EDN1: variants seen among roughly 807,000 people sequenced by gnomAD.
EDN1 encodes endothelin 1.
A neutral mutation model predicts 21.7 loss-of-function variants in EDN1; 11 were observed. The ratio of observed to expected loss-of-function variants is 0.51; its 90% CI spans 0.32 to 0.84. The LOEUF is 0.84. EDN1 is among the 40% of genes least tolerant of loss of function. EDN1 has a pLI of 0.03. For missense variants in EDN1, 244 were observed against 262.3 expected (o/e 0.93, Z 0.48); for synonymous variants, 85 against 90.6 (o/e 0.94, Z 0.35).
At position 12,297,008 on chromosome 6, in the gene EDN1, T is replaced by C. The variant is rs920530159; in HGVS notation, c.*941T>C. The C allele has an allele frequency of 9.9e-5, 15 of 152,182 alleles. No individual in the cohort carries two copies. Among genetic ancestry groups the C allele is most frequent in the Non-Finnish European group, 1.5e-4 (10 of 68,032 alleles). The allele number at this position is 152,182 out of a possible 1,614,324, so 9.4% of individuals were successfully genotyped here. A position where few individuals can be genotyped will look rare whatever the true frequency, so the allele number is the denominator to read the frequency against. On this transcript the variant is annotated 3_prime_UTR_variant, in exon 5 of 5. Transcript: ENST00000379375. ...GTTGGATTGAATTTTGATGTACTTA[T>C]TTTTTTATAGATATTTATATTCAAA... is the stretch of plus-strand genomic sequence containing the variant.
the EDN1 span, among the ~76,000 whole-genome samples, chr6:12,249,698 G>A: frequency 1.6e-3 from 243 of 152,166 alleles, 1 homozygote; most frequent in Non-Finnish European, 2.4e-3. Context: ...ACATCCTGGA[G>A]TGAAGGAAAG....
chr6:12,289,483 T>C (rs115494463), upstream of EDN1, among the ~76,000 whole-genome samples: 1,407 of 152,252 alleles, frequency 9.2e-3, 21 homozygotes, highest in African/African-American at 0.032. Flanking sequence ...CTTTTTGTCC[T>C]AGTAAAACAT....
chr6:12,250,243 G>A, the EDN1 span, among the ~76,000 whole-genome samples: 1 of 151,894 alleles, frequency 6.6e-6, no homozygotes, highest in Non-Finnish European at 1.5e-5. Flanking sequence ...AATGGCCTAA[G>A]TTAGATTAAA....
chr6:12,261,112 A>C, the EDN1 span, among the ~76,000 whole-genome samples: 1 of 152,200 alleles, frequency 6.6e-6, no homozygotes, highest in Non-Finnish European at 1.5e-5. Flanking sequence ...GAAAAAGTGG[A>C]AGTAACTTGA....
At chr6:12,295,568 C>A (rs964608535) in intron 4 of EDN1, among the ~76,000 whole-genome samples, 1 of 151,896 alleles carries the variant, frequency 6.6e-6, no homozygotes, top group Non-Finnish European at 1.5e-5. Context: ...TCTCTCTTTT[C>A]AACTAAGTCA....
At chr6:12,278,347 A>T in the EDN1 span, among the ~76,000 whole-genome samples, 1 of 152,164 alleles carries the variant, frequency 6.6e-6, no homozygotes, top group Non-Finnish European at 1.5e-5. Flanking sequence ...TCCTCAAGCC[A>T]CTAGATAGCC....
chr6:12,232,137 TATA>T, the EDN1 span, among the ~76,000 whole-genome samples: 2 of 137,554 alleles, frequency 1.5e-5, no homozygotes, highest in African/African-American at 2.5e-5. Flanking sequence ...TATAATATAA[TATA>T]ATAAAGTGTT....
the EDN1 span, among the ~76,000 whole-genome samples, chr6:12,248,344 A>G: frequency 6.6e-6 from 1 of 152,122 alleles, no homozygotes; most frequent in Non-Finnish European, 1.5e-5. Context: ...AACTGTGTGA[A>G]AATAAATGTC....
At chr6:12,233,649 A>G in the EDN1 span, among the ~76,000 whole-genome samples, 5 of 152,096 alleles carry the variant, frequency 3.3e-5, no homozygotes, top group African/African-American at 1.2e-4. Flanking sequence ...TGTGATGCCA[A>G]CTCACCAAGA....
the EDN1 span, among the ~76,000 whole-genome samples, chr6:12,267,109 A>T: frequency 6.6e-6 from 1 of 152,096 alleles, no homozygotes; most frequent in Non-Finnish European, 1.5e-5. Context: ...CCCTTCGCAG[A>T]TATTGTATTT....
chr6:12,280,228 G>T, the EDN1 span, among the ~76,000 whole-genome samples: 1 of 152,128 alleles, frequency 6.6e-6, no homozygotes, highest in Non-Finnish European at 1.5e-5. Context: ...AACAATAAAA[G>T]GATCTTTCAA....
At chr6:12,274,397 A>C in the EDN1 span, among the ~76,000 whole-genome samples, 3 of 152,228 alleles carry the variant, frequency 2.0e-5, no homozygotes, top group Non-Finnish European at 4.4e-5. Flanking sequence ...ATGCCATCAA[A>C]ACATATTAGG....
At chr6:12,238,392 C>T in the EDN1 span, among the ~76,000 whole-genome samples, 3 of 152,030 alleles carry the variant, frequency 2.0e-5, no homozygotes, top group Non-Finnish European at 4.4e-5. Context: ...TGAAGGTCTC[C>T]CCTGCCCACT....
the EDN1 span, among the ~76,000 whole-genome samples, chr6:12,233,030 A>G: frequency 2.0e-5 from 3 of 152,224 alleles, no homozygotes; most frequent in Non-Finnish European, 4.4e-5. Flanking sequence ...AAACAATCTT[A>G]GAGCTAATCC....
chr6:12,292,284 C>T lies in EDN1; in HGVS notation c.65-57C>T, dbSNP rs1444134560. On this transcript the variant is annotated intron_variant, in intron 1 of 4. Transcript: ENST00000379375. ...TAGCTCTGACTCTACTGTGATCCAGCATGTCTCTCGGCGTTTGAGGAGACA... is the reference window on the plus strand; with the variant it reads ...TAGCTCTGACTCTACTGTGATCCAGTATGTCTCTCGGCGTTTGAGGAGACA... The T allele has an allele frequency of 4.4e-6, 7 of 1,604,550 alleles. No homozygotes were observed. In the African/African-American group the frequency reaches 9.3e-5, roughly 21 times the overall value.
chr6:12,284,274 C>T, the EDN1 span, among the ~76,000 whole-genome samples: 2 of 152,062 alleles, frequency 1.3e-5, no homozygotes, highest in Non-Finnish European at 2.9e-5. Flanking sequence ...TAGCTCTCTG[C>T]CAAAGACCTT....
the EDN1 span, among the ~76,000 whole-genome samples, chr6:12,240,547 C>T: frequency 6.6e-6 from 1 of 152,044 alleles, no homozygotes; most frequent in Non-Finnish European, 1.5e-5. Flanking sequence ...TTTGTAGGGC[C>T]CCTGAAAATG....
the EDN1 span, among the ~76,000 whole-genome samples, chr6:12,248,485 A>C: frequency 6.6e-6 from 1 of 152,218 alleles, no homozygotes; most frequent in Admixed American, 6.5e-5. Context: ...TCCTATATGC[A>C]AAGAACATTG....
At chr6:12,278,300 T>G in the EDN1 span, among the ~76,000 whole-genome samples, 1 of 152,294 alleles carries the variant, frequency 6.6e-6, no homozygotes, top group South Asian at 2.1e-4. Flanking sequence ...CAGATTAAAA[T>G]TCACCAAACC....
Sources: gnomAD v4.1 joint callset for allele counts (sites outside exome capture counted in the v4.1 genomes callset) on GRCh38, gnomAD v4.1.1 for gene constraint, MANE v1.5 for transcripts, NCBI Gene and HGNC (gene_info 2026-07-23, HGNC 2026-07-21) for gene names.